Variants in PCDH15 observed in about 807,000 individuals in gnomAD.
PCDH15 encodes the protein protocadherin-15.
Under a neutral mutation model 178.5 loss-of-function variants are expected in PCDH15, and 129 were observed. The ratio of observed to expected loss-of-function variants is 0.72; its 90% CI spans 0.63 to 0.84. The LOEUF (loss-of-function observed/expected upper bound fraction) is 0.84, where lower values mean the gene tolerates loss of function less well. PCDH15 is among the 40% of genes least tolerant of loss of function. The pLI is 0.00. For synonymous variants in PCDH15, 800 were observed against 732.0 expected (o/e 1.09, Z -1.50); for missense variants, 2,230 against 2,099.9 (o/e 1.06, Z -1.21).
rs1174973055 is a variant in PCDH15 at position 55,334,240 on chromosome 10, A to ATG, written c.-155-167590_-155-167589insCA. 2.5e-3 allele frequency among the ~76,000 whole-genome samples: 220 copies of ATG among 88,604 alleles called. 2 individuals carry two copies. Among genetic ancestry groups the ATG allele is most frequent in the East Asian group, 0.012 (37 of 2,998 alleles). The allele number at this position is 88,604 out of a possible 152,430, so 58.1% of individuals were successfully genotyped here. A position where few individuals can be genotyped will look rare whatever the true frequency, so the allele number is the denominator to read the frequency against. Reference sequence around the variant, plus strand: ...GTGCTCCATATATATATATATATATATATGTGTGTGTGTGTGTGTGTGTGT... The same window carrying ATG: ...GTGCTCCATATATATATATATATATATGTATGTGTGTGTGTGTGTGTGTGTGT... On this transcript the variant is annotated intron_variant, in intron 2 of 5. Coordinates refer to the PCDH15 transcript ENST00000613346.
chr10:54,401,625 A>T (rs999604247), intron 3 of PCDH15, among the ~76,000 whole-genome samples: 1 of 151,886 alleles, frequency 6.6e-6, no homozygotes, highest in African/African-American at 2.4e-5. Context: ...GAAAGAAATT[A>T]CAGAAATCTA....
chr10:54,131,810 C>T (rs1243798044), intron 15 of PCDH15, among the ~76,000 whole-genome samples: 1 of 152,172 alleles, frequency 6.6e-6, no homozygotes, highest in African/African-American at 2.4e-5. Flanking sequence ...ATGGGGTTAG[C>T]TTTCCACATC....
chr10:54,931,860 G>T (rs1837786361), intron 2 of PCDH15, among the ~76,000 whole-genome samples: 1 of 152,062 alleles, frequency 6.6e-6, no homozygotes, highest in Non-Finnish European at 1.5e-5. Context: ...GAGAGGCTTA[G>T]TGCATTGTTC....
chr10:54,365,399 T>C (rs1946644547), intron 5 of PCDH15, among the ~76,000 whole-genome samples: 1 of 152,118 alleles, frequency 6.6e-6, no homozygotes, highest in South Asian at 2.1e-4. Flanking sequence ...TAACCCATGC[T>C]TTAGAGGTTT....
intron 10 of PCDH15, among the ~76,000 whole-genome samples, chr10:54,205,481 T>TTGTGTGTGTGTG (rs71461223): frequency 0.053 from 7,160 of 135,018 alleles, 298 homozygotes; most frequent in African/African-American, 0.11. Context: ...TATATTTCCT[T>TTGTGTGTGTGTG]TGTGTGTGTG....
intron 8 of PCDH15, among the ~76,000 whole-genome samples, chr10:54,295,000 T>G (rs1415166069): frequency 6.6e-6 from 1 of 152,220 alleles, no homozygotes; most frequent in African/African-American, 2.4e-5. Flanking sequence ...GGGTGATAAA[T>G]TCATAGTGTG....
chr10:54,358,625 T>C (rs1046940205), intron 5 of PCDH15, among the ~76,000 whole-genome samples: 2 of 151,896 alleles, frequency 1.3e-5, no homozygotes, highest in African/African-American at 2.4e-5. Flanking sequence ...GATCTAGAAC[T>C]AGAAATACCA....
chr10:54,945,898 T>C (rs1454483), intron 2 of PCDH15, among the ~76,000 whole-genome samples: 37,433 of 151,704 alleles, frequency 0.25, 5,254 homozygotes, highest in African/African-American at 0.38. Flanking sequence ...AAATTTGTTG[T>C]AATGTGTGGC....
chr10:54,500,884 T>C (rs568628531), intron 3 of PCDH15, among the ~76,000 whole-genome samples: 1 of 152,108 alleles, frequency 6.6e-6, no homozygotes, highest in South Asian at 2.1e-4. Flanking sequence ...GTGGCACATA[T>C]ACACCATGGA....
intron 2 of PCDH15, among the ~76,000 whole-genome samples, chr10:55,131,991 G>T (rs1323291289): frequency 6.6e-6 from 1 of 152,048 alleles, no homozygotes; most frequent in Non-Finnish European, 1.5e-5. Flanking sequence ...TAAACCCATT[G>T]TCCACAGCAC....
chr10:54,090,848 T>G (rs796460972), intron 15 of PCDH15, among the ~76,000 whole-genome samples: 1 of 152,308 alleles, frequency 6.6e-6, no homozygotes, highest in Admixed American at 6.5e-5. Flanking sequence ...TTTCTGTGTA[T>G]CCATTTCTAA....
chr10:55,450,123 C>T (rs984186778), intron 2 of PCDH15, among the ~76,000 whole-genome samples: 10 of 152,054 alleles, frequency 6.6e-5, no homozygotes, highest in Non-Finnish European at 1.0e-4. Context: ...AAGCTACATG[C>T]ATAATGTAGG....
In PCDH15 at chr10:54,890,839, C is replaced by T. The variant is rs1390808538; in HGVS notation, c.-29+6611G>A. Reference sequence around the variant, plus strand: ...GCAACCATCTACATAAAATATATTGCAACTCATCTAGACCTAAAGTTGTCC... The same window carrying T: ...GCAACCATCTACATAAAATATATTGTAACTCATCTAGACCTAAAGTTGTCC... On this transcript the variant is annotated intron_variant, in intron 3 of 5. Transcript: ENST00000458638. Among the ~76,000 whole-genome samples, 7 of 152,108 alleles carry T rather than the reference C, an allele frequency of 4.6e-5. No individual in the cohort carries two copies. In the East Asian group the frequency reaches 1.2e-3, roughly 25 times the overall value.
chr10:54,776,603 C>T (rs1383529370), intron 1 of PCDH15, among the ~76,000 whole-genome samples: 3 of 152,038 alleles, frequency 2.0e-5, no homozygotes, highest in African/African-American at 7.2e-5. Flanking sequence ...TAAGTGGAGG[C>T]CATTCATGAT....
chr10:55,165,229 G>A (rs1239630069), intron 2 of PCDH15, among the ~76,000 whole-genome samples: 3 of 151,948 alleles, frequency 2.0e-5, no homozygotes, highest in Admixed American at 2.0e-4. Flanking sequence ...ACAATTTCAT[G>A]TGATTTTTTT....
At chr10:53,850,374 G>A (rs1052629503) in intron 28 of PCDH15, among the ~76,000 whole-genome samples, 1 of 152,136 alleles carries the variant, frequency 6.6e-6, no homozygotes, top group East Asian at 1.9e-4. Flanking sequence ...CTTCAGTTCT[G>A]TAAAGAACTA....
intron 3 of PCDH15, among the ~76,000 whole-genome samples, chr10:54,428,093 T>A (rs1956514380): frequency 6.6e-6 from 1 of 152,198 alleles, no homozygotes; most frequent in Non-Finnish European, 1.5e-5. Context: ...CCAGATCCCA[T>A]CTTCATGGGA....
At chr10:54,106,668 T>C (rs549031739) in intron 15 of PCDH15, among the ~76,000 whole-genome samples, 1 of 152,296 alleles carries the variant, frequency 6.6e-6, no homozygotes, top group South Asian at 2.1e-4. Flanking sequence ...ATTAGGTTCG[T>C]ACAATATGAA....
intron 2 of PCDH15, among the ~76,000 whole-genome samples, chr10:55,038,897 G>T (rs993191380): frequency 6.6e-6 from 1 of 152,066 alleles, no homozygotes; most frequent in Admixed American, 6.6e-5. Context: ...TCAGGAATGG[G>T]AATAAAAGAG....
Sources: allele counts gnomAD v4.1 joint callset (sites outside exome capture counted in the v4.1 genomes callset), GRCh38; gene constraint gnomAD v4.1.1; transcripts MANE v1.5; gene names NCBI Gene and HGNC (gene_info 2026-07-23, HGNC 2026-07-21).